Variants in RGPD4 observed in about 807,000 individuals in gnomAD.
RGPD4 encodes the protein ranBP2-like and GRIP domain-containing protein 4.
Under a neutral mutation model 141.1 loss-of-function variants are expected in RGPD4, and 84 were observed. That is an observed-to-expected ratio of 0.60 (90% CI 0.50 to 0.71). The LOEUF is 0.71. RGPD4 is among the 30% of genes least tolerant of loss of function. The pLI is 0.00. For missense variants in RGPD4, 918 were observed against 1,622.4 expected, an observed-to-expected ratio of 0.57 and a Z score of 7.46; for synonymous variants, 298 against 566.8, an observed-to-expected ratio of 0.53 and a Z score of 6.74.
intron 1 of RGPD4, among the ~76,000 whole-genome samples, chr2:107,828,083 AGCGGCCTCGACCTGGCCGGGCGG>A (rs1558784974): frequency 2.1e-4 from 3 of 14,572 alleles, no homozygotes; most frequent in Middle Eastern, 0.083. Flanking sequence ...CTGTTGAGGC[AGCGGCCTCGACCTGGCCGGGCGG>A]CGGCGGCCTC....
At position 107,871,879 on chromosome 2, in the gene RGPD4, C is replaced by T. The variant is rs1472663467; in HGVS notation, c.3875C>T (p.Ser1292Phe). 19 of 1,611,498 alleles carry T rather than the reference C, an allele frequency of 1.2e-5. 1 individual carries two copies. Among genetic ancestry groups the T allele is most frequent in the African/African-American group, 6.7e-5 (5 of 74,496 alleles). ...CATTTTGGTGAGTCAACAACAGGAT[C>T]TAACTTCAGTTTTAAATCTGCTTTG... is the stretch of plus-strand genomic sequence containing the variant. The part of the protein sequence containing the change: ...LFHFGESTTG[S>F]NFSFKSALSP... Residue 1292 changes from serine (S) to phenylalanine (F), a missense_variant, in exon 20 of 23, where the codon TCT becomes TTT. Physicochemically the swap from Ser to Phe is radical, Grantham distance 155. Coordinates refer to ENST00000408999, the MANE Select transcript of RGPD4 (RefSeq NM_182588.3).
intron 7 of RGPD4, among the ~76,000 whole-genome samples, chr2:107,849,590 T>G (rs1682067395): frequency 4.5e-5 from 2 of 44,248 alleles, no homozygotes; most frequent in Non-Finnish European, 9.6e-5. Flanking sequence ...CAGGATGGTC[T>G]CAATCTCCAG....
chr2:107,865,677 G>A (rs940002042), intron 17 of RGPD4, among the ~76,000 whole-genome samples: 5 of 105,418 alleles, frequency 4.7e-5, no homozygotes, highest in African/African-American at 1.0e-4. Context: ...TTGTATTAAC[G>A]AATGAAAATG....
chr2:107,886,862 A>G (rs201637856), intron 22 of RGPD4, among the ~76,000 whole-genome samples: 6,215 of 151,954 alleles, frequency 0.041, 163 homozygotes, highest in African/African-American at 0.071. Flanking sequence ...TGTAAAGTTT[A>G]TAATAGTATT....
Position 107,875,318 on chromosome 2 carries a change from C to A in RGPD4, c.4924+2390C>A, listed in dbSNP as rs2556249. ...ATATCATTTTAACTTCTAATTAATA[C>A]AAAAATTAATGATATTTTACATTAT... On this transcript the variant is annotated intron_variant, in intron 20 of 22. Transcript: ENST00000408999. Among the ~76,000 whole-genome samples, 10 of 36,224 alleles carry A rather than the reference C, an allele frequency of 2.8e-4. 4 individuals carry two copies. The highest frequency in any genetic ancestry group is 7.3e-4 in the Admixed American group (4 of 5,466). The allele number at this position is 36,224 out of a possible 152,430, so 23.8% of individuals were successfully genotyped here. A position where few individuals can be genotyped will look rare whatever the true frequency, so the allele number is the denominator to read the frequency against.
chr2:107,830,974 G>A (rs567657528), intron 1 of RGPD4, among the ~76,000 whole-genome samples: 4 of 152,074 alleles, frequency 2.6e-5, no homozygotes, highest in African/African-American at 4.8e-5. Context: ...TTGGGAGGCC[G>A]AGAGACCAGC....
intron 7 of RGPD4, among the ~76,000 whole-genome samples, chr2:107,852,207 G>A (rs1404827362): frequency 3.7e-5 from 5 of 136,822 alleles, no homozygotes; most frequent in African/African-American, 1.4e-4. Flanking sequence ...TGCCACTGCA[G>A]CACTGCAGCA....
In RGPD4 at chr2:107,831,451, TGTTA is replaced by T. The variant is rs1401611355; in HGVS notation, c.72+4370_72+4373del. Among the ~76,000 whole-genome samples the T allele has an allele frequency of 6.7e-5, 10 of 148,538 alleles. No individual in the cohort carries two copies. The South Asian group carries it at 2.2e-3, about 32-fold the overall frequency. ...ACTACAGGCAGGCACCTTTGACAGC[TGTTA>T]GTTGTTTTTTCTGCCCTTTACATCT... On this transcript the variant is annotated intron_variant, in intron 1 of 22. Coordinates refer to ENST00000408999, the MANE Select transcript of RGPD4 (RefSeq NM_182588.3).
chr2:107,884,436 T>TAA (rs1427886229), intron 22 of RGPD4, among the ~76,000 whole-genome samples: 5 of 150,996 alleles, frequency 3.3e-5, no homozygotes, highest in African/African-American at 1.2e-4. Flanking sequence ...ATTATATATA[T>TAA]AAATATATTT....
At chr2:107,878,320 G>T (rs529537021) in intron 20 of RGPD4, among the ~76,000 whole-genome samples, 28 of 151,006 alleles carry the variant, frequency 1.9e-4, no homozygotes, top group Non-Finnish European at 2.7e-4. Context: ...AATCTTTGAA[G>T]AACCTTCGAG....
chr2:107,830,067 A>G (rs1681424418), intron 1 of RGPD4, among the ~76,000 whole-genome samples: 1 of 151,626 alleles, frequency 6.6e-6, no homozygotes, highest in Admixed American at 6.6e-5. Flanking sequence ...TGTTTTGAGT[A>G]TGAGGTGTTT....
At chr2:107,852,277 A>T (rs1185778085) in intron 7 of RGPD4, among the ~76,000 whole-genome samples, 1 of 151,458 alleles carries the variant, frequency 6.6e-6, no homozygotes, top group African/African-American at 2.4e-5. Flanking sequence ...GAAATAGTGA[A>T]TTGAGATGAT....
chr2:107,882,004 A>G (rs1199700832), intron 21 of RGPD4, among the ~76,000 whole-genome samples: 1 of 151,906 alleles, frequency 6.6e-6, no homozygotes, highest in African/African-American at 2.4e-5. Flanking sequence ...CCATTTTCAG[A>G]GCCCCATGCC....
chr2:107,858,397 CCTTTTCTTTT>C (rs76894491), intron 9 of RGPD4, among the ~76,000 whole-genome samples: 4,109 of 140,744 alleles, frequency 0.029, 24 homozygotes, highest in African/African-American at 0.065. Flanking sequence ...AAGCACATAA[CCTTTTCTTTT>C]CTTTTCTTTT....
In RGPD4 at chr2:107,878,161, C is replaced by A. The variant is rs917400236; in HGVS notation, c.4925-1807C>A. Among the ~76,000 whole-genome samples the A allele has an allele frequency of 3.4e-4, 51 of 151,426 alleles. 2 individuals carry two copies. The highest frequency in any genetic ancestry group is 1.2e-3 in the African/African-American group (51 of 41,010). On this transcript the variant is annotated intron_variant, in intron 20 of 22. Transcript: ENST00000408999. Reference sequence around the variant, plus strand: ...TTTTAGCAATTCCTCATACACCTTTCACTTATCTTATAGTTACTTAATTCC... The same window carrying A: ...TTTTAGCAATTCCTCATACACCTTTAACTTATCTTATAGTTACTTAATTCC...
chr2:107,858,442 T>C (rs1158390502), intron 9 of RGPD4, among the ~76,000 whole-genome samples: 15 of 151,018 alleles, frequency 9.9e-5, no homozygotes, highest in African/African-American at 3.7e-4. Context: ...TCTTTTCTTT[T>C]CTTTTCTTTT....
At position 107,845,207 on chromosome 2, in the gene RGPD4, A is replaced by ATT. The variant is rs1167860983; in HGVS notation, c.782+1525_782+1526dup. 3.4e-5 allele frequency among the ~76,000 whole-genome samples: 2 copies of ATT among 59,458 alleles called. 1 individual carries two copies. The highest frequency in any genetic ancestry group is 5.9e-5 in the Non-Finnish European group (2 of 33,876). 39.0% of individuals were successfully genotyped at this position (59,458 alleles called of 152,430 possible). On this transcript the variant is annotated intron_variant, in intron 6 of 22. Coordinates refer to ENST00000408999, the MANE Select transcript of RGPD4 (RefSeq NM_182588.3). The stretch of plus-strand genomic sequence containing the variant: ...AGGTGCCCGACACCACACCTGGCTA[A>ATT]TTTTTTTTTTTTTTTTTTTTTTTTT...
intron 22 of RGPD4, among the ~76,000 whole-genome samples, chr2:107,887,099 A>C (rs700862): frequency 0.67 from 89,148 of 134,056 alleles, 28,266 homozygotes; most frequent in Middle Eastern, 0.76. Context: ...AAAATATGCC[A>C]GTTCTGGTGG....
At chr2:107,873,908 G>T (rs879310348) in intron 20 of RGPD4, among the ~76,000 whole-genome samples, 99 of 149,228 alleles carry the variant, frequency 6.6e-4, no homozygotes, top group Non-Finnish European at 1.1e-3. Flanking sequence ...TTCTCAGTAT[G>T]AGATAACAGC....
Sources: gnomAD v4.1 joint callset for allele counts (sites outside exome capture counted in the v4.1 genomes callset) on GRCh38, gnomAD v4.1.1 for gene constraint, MANE v1.5 for transcripts, NCBI Gene and HGNC (gene_info 2026-07-23, HGNC 2026-07-21) for gene names.